The following UCKL1 variants were observed in gnomAD, a reference collection of about 807,000 sequenced individuals.
UCKL1 encodes uridine-cytidine kinase-like 1.
UCKL1 carries 65 observed loss-of-function variants against 59.2 expected under a neutral mutation model. The ratio of observed to expected loss-of-function variants is 1.10; its 90% CI spans 0.90 to 1.35. The LOEUF (loss-of-function observed/expected upper bound fraction) is 1.35, where lower values mean the gene tolerates loss of function less well. Ranked by LOEUF, UCKL1 falls within the 40% of genes most tolerant of loss-of-function variation. The pLI is 0.00. For synonymous variants in UCKL1, 410 were observed against 323.1 expected, an observed-to-expected ratio of 1.27 and a Z score of -2.88; for missense variants, 703 against 784.3, an observed-to-expected ratio of 0.90 and a Z score of 1.24.
At chr20:63,942,841 C>G (rs2054997609) in intron 8 of UCKL1, 1 of 411,642 alleles carries the variant, frequency 2.4e-6, no homozygotes, top group Non-Finnish European at 5.2e-6. Context: ...CCTGACGGGA[C>G]AAGACCTGCG....
chr20:63,946,203 A>G lies in UCKL1; in HGVS notation c.369T>C (p.Asp123=), dbSNP rs1261753747. ...TVARMIIEAL[D]VPWVVLLSMD... ...TGGACAGCAAGACCACCCAGGGCAC[A>G]TCCAGGGCCTCGATGATCATTCTGG... Residue 123 remains aspartate (D), a synonymous_variant, in exon 3 of 15, where the codon GAT becomes GAC. Coordinates refer to ENST00000354216, the MANE Select transcript of UCKL1 (RefSeq NM_017859.4). 8.7e-6 allele frequency: 14 copies of G among 1,611,990 alleles called. No homozygotes were observed. The East Asian group carries it at 3.1e-4, about 36-fold the overall frequency.
At chr20:63,948,625 TGAGAGGGAAGGGGC>T (rs2056977396) in intron 1 of UCKL1, 1 of 49,994 alleles carries the variant, frequency 2.0e-5, no homozygotes, top group Admixed American at 2.0e-4. Flanking sequence ...GGGGCGTGTG[TGAGAGGGAAGGGGC>T]GTGTGTGAGA....
intron 8 of UCKL1, 98 bp from the exon 9 acceptor site, chr20:63,941,306 CG>C: frequency 6.9e-7 from 1 of 1,445,184 alleles, no homozygotes; most frequent in South Asian, 1.4e-5. Flanking sequence ...GGGGAACACA[CG>C]GGCCAGGCAC....
chr20:63,953,082 C>T (rs1274236616), intron 1 of UCKL1, among the ~76,000 whole-genome samples: 1 of 152,028 alleles, frequency 6.6e-6, no homozygotes, highest in Non-Finnish European at 1.5e-5. Flanking sequence ...CTTATCTCTA[C>T]TAGAAATACA....
At chr20:63,943,435 G>A (rs1445272366) in intron 8 of UCKL1, among the ~76,000 whole-genome samples, 1 of 152,200 alleles carries the variant, frequency 6.6e-6, no homozygotes, top group Non-Finnish European at 1.5e-5. Context: ...GACAGGGTCA[G>A]GACTCCGTGA....
At chr20:63,944,853 G>A (rs2055707987) in intron 5 of UCKL1, 119 bp from the exon 6 acceptor site, 2 of 1,290,606 alleles carry the variant, frequency 1.5e-6, no homozygotes, top group East Asian at 2.5e-5. Flanking sequence ...CACTTCCCCA[G>A]GGCACCCTGG....
At chr20:63,949,033 G>A (rs1331312074) in intron 1 of UCKL1, among the ~76,000 whole-genome samples, 2 of 152,152 alleles carry the variant, frequency 1.3e-5, no homozygotes, top group Non-Finnish European at 2.9e-5. Flanking sequence ...AGAGAACAGT[G>A]TGGCAGCATT....
At position 63,939,957 on chromosome 20, in the gene UCKL1, G is replaced by C; in HGVS notation, c.*19C>G. ...GAGGCAGGAGGAGGGTGGTGGGGACGGGATGGCTCACTGGGCAGCTAACCC... is the reference window on the plus strand; with the variant it reads ...GAGGCAGGAGGAGGGTGGTGGGGACCGGATGGCTCACTGGGCAGCTAACCC... On this transcript the variant is annotated 3_prime_UTR_variant, in exon 15 of 15. Coordinates refer to ENST00000354216, the MANE Select transcript of UCKL1 (RefSeq NM_017859.4). 6.2e-7 allele frequency: 1 copy of C among 1,611,116 alleles called. No homozygotes were observed. The highest frequency in any genetic ancestry group is 1.7e-5 in the Admixed American group (1 of 59,996).
At chr20:63,946,131 G>A (rs777580582) in intron 3 of UCKL1, 30 bp downstream of exon 3, 2 of 1,606,508 alleles carry the variant, frequency 1.2e-6, no homozygotes, top group South Asian at 1.1e-5. Context: ...AGGACAAAGG[G>A]GTCCTCGGGG....
In UCKL1 at chr20:63,945,817, C is replaced by T; in HGVS notation, c.570G>A (p.Arg190=). The T allele has an allele frequency of 1.2e-6, 2 of 1,613,594 alleles. No individual in the cohort carries two copies. Among genetic ancestry groups the T allele is most frequent in the South Asian group, 1.1e-5 (1 of 91,086 alleles). Residue 190 remains arginine (R), a synonymous_variant, in exon 4 of 15, where the codon CGG becomes CGA. Coordinates refer to ENST00000354216, the MANE Select transcript of UCKL1 (RefSeq NM_017859.4). The part of the protein sequence containing the change: ...VPIYDFTTHS[R]KKDWKTLYGA... ...GGCCCTGGCCTACCCAGTCCTTCTT[C>T]CGGCTGTGCGTGGTGAAGTCATAAA...
chr20:63,940,163 G>A lies in UCKL1; in HGVS notation c.1554C>T (p.Ile518=). The change falls in exon 14 of 15, where the codon ATC becomes ATT. Residue 518 remains isoleucine, a synonymous_variant. Transcript: ENST00000354216. ...GGGCAGCCTCACCAATGCCTGGGAT[G>A]ATGCGGAAAAGGTCATTGACCCGCT... The part of the protein sequence containing the change: ...VDKRVNDLFR[I]IPGIGNFGDR... 1.2e-6 allele frequency: 2 copies of A among 1,612,688 alleles called. No individual in the cohort carries two copies. The highest frequency in any genetic ancestry group is 1.7e-5 in the Admixed American group (1 of 60,016).
chr20:63,945,553 TGGAGGCCTTGGGGACAGGGCAGGA>T, intron 5 of UCKL1, 74 bp downstream of exon 5: 2 of 1,282,922 alleles, frequency 1.6e-6, no homozygotes, highest in Non-Finnish European at 2.2e-6. Context: ...CTATACAGTG[TGGAGGCCTTGGGGACAGGGCAGGA>T]GGACGCACAC....
rs1600909710 is a variant in UCKL1, at chr20:63,939,947, T to G, written c.*29A>C. ...CCTGGGTCAGGAGGCAGGAGGAGGG[T>G]GGTGGGGACGGGATGGCTCACTGGG... On this transcript the variant is annotated 3_prime_UTR_variant, in exon 15 of 15. Transcript: ENST00000354216. 1 of 1,598,686 alleles carries G rather than the reference T, an allele frequency of 6.3e-7. No individual in the cohort carries two copies. The highest frequency in any genetic ancestry group is 1.7e-4 in the Middle Eastern group (1 of 5,996).
intron 1 of UCKL1, among the ~76,000 whole-genome samples, chr20:63,952,484 C>T (rs1346146964): frequency 3.3e-5 from 5 of 152,054 alleles, no homozygotes; most frequent in East Asian, 1.9e-4. Context: ...GGGCTGCTCT[C>T]GGCCACAGCA....
intron 5 of UCKL1, among the ~76,000 whole-genome samples, chr20:63,945,189 G>A (rs1221416154): frequency 6.6e-6 from 1 of 152,212 alleles, no homozygotes; most frequent in Non-Finnish European, 1.5e-5. Context: ...AAGAGGCCTT[G>A]TGGAGGCTGG....
rs1481610892 is a variant in UCKL1, at chr20:63,946,311, G to A, written c.305-44C>T. On this transcript the variant is annotated intron_variant, in intron 2 of 14. Coordinates refer to ENST00000354216, the MANE Select transcript of UCKL1 (RefSeq NM_017859.4). ...ACCCTCTGTGAGGAACAGGCAGGCTGCCGGCACAGATAGGTCCCAGAGGTG... is the reference window on the plus strand; with the variant it reads ...ACCCTCTGTGAGGAACAGGCAGGCTACCGGCACAGATAGGTCCCAGAGGTG... 5.2e-6 allele frequency: 8 copies of A among 1,552,540 alleles called. No individual in the cohort carries two copies. In the Admixed American group the frequency reaches 9.7e-5, roughly 19 times the overall value.
chr20:63,946,743 C>G, intron 1 of UCKL1, 100 bp from the exon 2 acceptor site: 1 of 1,306,150 alleles, frequency 7.7e-7, no homozygotes, highest in African/African-American at 1.5e-5. Flanking sequence ...ACCCCCTCAA[C>G]AGGCATGGCT....
At chr20:63,945,549 A>G (rs1178194581) in intron 5 of UCKL1, 102 bp downstream of exon 5, 2 of 1,236,986 alleles carry the variant, frequency 1.6e-6, no homozygotes, top group Admixed American at 2.0e-5. Flanking sequence ...AGGCCTATAC[A>G]GTGTGGAGGC....
intron 7 of UCKL1, 70 bp from the exon 8 acceptor site, chr20:63,943,739 A>G: frequency 6.2e-7 from 1 of 1,607,356 alleles, no homozygotes. Context: ...CGGCCAGGCC[A>G]CCCCCACCCA....
Sources: gnomAD v4.1 joint callset for allele counts (sites outside exome capture counted in the v4.1 genomes callset) on GRCh38, gnomAD v4.1.1 for gene constraint, MANE v1.5 for transcripts, NCBI Gene and HGNC (gene_info 2026-07-23, HGNC 2026-07-21) for gene names.